CFAP299: variants seen among roughly 807,000 people sequenced by gnomAD.
CFAP299 encodes the protein cilia and flagella associated protein 299, also known as cilia- and flagella-associated protein 299.
CFAP299 carries 21 observed loss-of-function variants against 27.0 expected under a neutral mutation model. That is an observed-to-expected ratio of 0.78 (90% confidence interval 0.55 to 1.12). The LOEUF (loss-of-function observed/expected upper bound fraction) is 1.12. CFAP299 is among the 50% of genes most tolerant of loss of function. The pLI is 0.00. For missense variants in CFAP299, 310 were observed against 276.6 expected (o/e 1.12, Z -0.86); for synonymous variants, 104 against 98.1 (o/e 1.06, Z -0.36).
rs532792496 is a variant in CFAP299, at chr4:80,522,206, T to A, written c.243-60887T>A. On this transcript the variant is annotated intron_variant, in intron 2 of 5. Transcript: ENST00000358105. ...AATATAAGGGCCATTCTAACAGATA[T>A]GAGATTTTATTTAATTGTGGTTTTG... Among the ~76,000 whole-genome samples the A allele has an allele frequency of 3.3e-5, 5 of 152,164 alleles. No homozygotes were observed. The South Asian group carries it at 1.0e-3, about 32-fold the overall frequency.
chr4:80,668,794 A>T (rs1299427006), intron 3 of CFAP299, among the ~76,000 whole-genome samples: 1 of 152,022 alleles, frequency 6.6e-6, no homozygotes, highest in East Asian at 1.9e-4. Context: ...TACTTTGACT[A>T]CTCGAAGTCT....
At chr4:80,731,651 C>T (rs959773283) in intron 3 of CFAP299, among the ~76,000 whole-genome samples, 1 of 152,070 alleles carries the variant, frequency 6.6e-6, no homozygotes, top group African/African-American at 2.4e-5. Context: ...GCTCAATTTG[C>T]CAATGGCAAG....
intron 3 of CFAP299, among the ~76,000 whole-genome samples, chr4:80,808,762 G>A (rs1728993075): frequency 6.6e-6 from 1 of 152,166 alleles, no homozygotes; most frequent in Middle Eastern, 3.4e-3. Flanking sequence ...ATTCTTTTGA[G>A]GGTCTCGATT....
In CFAP299 at chr4:80,799,681, A is replaced by ATATATTATATATTT. The variant is rs1728204415; in HGVS notation, c.334-70310_334-70309insTATTATATATTTTA. On this transcript the variant is annotated intron_variant, in intron 3 of 5. Transcript: ENST00000358105. The stretch of plus-strand genomic sequence containing the variant: ...TATTATATTTTATAAATATATATTT[A>ATATATTATATATTT]TAAATATATAATATATAAAATATAT... Among the ~76,000 whole-genome samples the ATATATTATATATTT allele has an allele frequency of 2.4e-4, 8 of 33,386 alleles. 1 individual carries two copies. Among genetic ancestry groups the ATATATTATATATTT allele is most frequent in the Non-Finnish European group, 3.3e-4 (7 of 21,356 alleles). The allele number at this position is 33,386 out of a possible 152,430, so 21.9% of individuals were successfully genotyped here. A position where few individuals can be genotyped will look rare whatever the true frequency, so the allele number is the denominator to read the frequency against.
intron 2 of CFAP299, among the ~76,000 whole-genome samples, chr4:80,399,344 TATACCC>T (rs1726005138): frequency 6.6e-6 from 1 of 152,182 alleles, no homozygotes; most frequent in South Asian, 2.1e-4. Context: ...TTACTGGGTA[TATACCC>T]AAAGGATTAT....
rs190042968 is a variant in CFAP299 at position 80,689,624 on chromosome 4, A to G, written c.333+106441A>G. 5.7e-3 allele frequency among the ~76,000 whole-genome samples: 870 copies of G among 152,306 alleles called. 6 individuals are homozygous for G. Among genetic ancestry groups the G allele is most frequent in the Middle Eastern group, 0.027 (8 of 294 alleles). On this transcript the variant is annotated intron_variant, in intron 3 of 5. Transcript: ENST00000358105. ...TAAAGATCATTGAGACTAGGCAGAA[A>G]CTGCATCAACTAACGAGCAAAATAA... is the stretch of plus-strand genomic sequence containing the variant.
chr4:80,845,088 A>G (rs1731099678), intron 3 of CFAP299, among the ~76,000 whole-genome samples: 2 of 151,940 alleles, frequency 1.3e-5, no homozygotes, highest in Admixed American at 1.3e-4. Context: ...TATTTCTGAG[A>G]GCTCTGTTCT....
chr4:80,436,498 T>C (rs976179459), intron 2 of CFAP299, among the ~76,000 whole-genome samples: 11 of 152,070 alleles, frequency 7.2e-5, no homozygotes, highest in African/African-American at 2.4e-4. Context: ...GAGACGGGGT[T>C]TCACCGTGTT....
At chr4:80,328,000 C>A in the CFAP299 span, among the ~76,000 whole-genome samples, 11 of 151,650 alleles carry the variant, frequency 7.3e-5, no homozygotes, top group Non-Finnish European at 1.3e-4. Context: ...GTGCTTCATG[C>A]CACTGAAAGG....
intron 3 of CFAP299, among the ~76,000 whole-genome samples, chr4:80,611,257 GT>G (rs918916767): frequency 3.9e-5 from 6 of 151,938 alleles, no homozygotes; most frequent in African/African-American, 1.5e-4. Flanking sequence ...TTAACACCAT[GT>G]TTTTTTCTTT....
intron 5 of CFAP299, among the ~76,000 whole-genome samples, chr4:80,958,908 AT>A (rs1206307079): frequency 1.3e-5 from 2 of 152,190 alleles, no homozygotes; most frequent in African/African-American, 4.8e-5. Flanking sequence ...ATTCTGGATT[AT>A]AACCTGGAAG....
At chr4:80,859,331 A>T (rs1208755330) in intron 3 of CFAP299, among the ~76,000 whole-genome samples, 4 of 152,040 alleles carry the variant, frequency 2.6e-5, no homozygotes, top group Non-Finnish European at 5.9e-5. Context: ...GTTTCCTGAA[A>T]ACAACACACT....
intron 2 of CFAP299, among the ~76,000 whole-genome samples, chr4:80,511,767 AATCTTTTT>A (rs1454605800): frequency 2.0e-5 from 3 of 152,066 alleles, no homozygotes; most frequent in African/African-American, 4.8e-5. Context: ...GACTAGAGTG[AATCTTTTT>A]ATCTTTTAAT....
chr4:80,376,117 A>T (rs1310348361), intron 2 of CFAP299, among the ~76,000 whole-genome samples: 1 of 152,094 alleles, frequency 6.6e-6, no homozygotes, highest in Non-Finnish European at 1.5e-5. Flanking sequence ...CAGCCATATG[A>T]TTTCTGTCCC....
At chr4:80,377,912 G>A (rs1578372869) in intron 2 of CFAP299, among the ~76,000 whole-genome samples, 1 of 152,144 alleles carries the variant, frequency 6.6e-6, no homozygotes, top group East Asian at 1.9e-4. Context: ...CTTCTCACAT[G>A]GCAGTGGCAA....
intron 3 of CFAP299, among the ~76,000 whole-genome samples, chr4:80,853,318 A>T (rs1731635342): frequency 1.3e-5 from 2 of 152,350 alleles, no homozygotes; most frequent in South Asian, 4.1e-4. Context: ...GGCATGAGCC[A>T]CCATGCCCAG....
chr4:80,402,226 T>C (rs1430983346), intron 2 of CFAP299, among the ~76,000 whole-genome samples: 2 of 152,064 alleles, frequency 1.3e-5, no homozygotes, highest in Admixed American at 1.3e-4. Flanking sequence ...TAGGAAGGCA[T>C]GATTTGTTTT....
intron 2 of CFAP299, among the ~76,000 whole-genome samples, chr4:80,504,505 A>ATATTTTTT (rs1483255216): frequency 1.8e-5 from 2 of 110,182 alleles, no homozygotes; most frequent in Non-Finnish European, 1.9e-5. Context: ...ATATATATAT[A>ATATTTTTT]TTTTCCTTTG....
chr4:80,336,793 C>T (rs1484247449), intron 1 of CFAP299: 1 of 152,240 alleles, frequency 6.6e-6, no homozygotes, highest in Admixed American at 6.5e-5. Context: ...AATGCCTTAT[C>T]CCTATTTAGG....
Sources: gnomAD v4.1 joint callset for allele counts (sites outside exome capture counted in the v4.1 genomes callset) on GRCh38, gnomAD v4.1.1 for gene constraint, MANE v1.5 for transcripts, NCBI Gene and HGNC (gene_info 2026-07-23, HGNC 2026-07-21) for gene names.